CPEB1: variants seen among roughly 807,000 people sequenced by gnomAD.
The protein encoded by CPEB1 is cytoplasmic polyadenylation element binding protein 1, also known as cytoplasmic polyadenylation element-binding protein 1.
A neutral mutation model predicts 65.8 loss-of-function variants in CPEB1; 7 were observed. That is an observed-to-expected ratio of 0.11 (90% CI 0.06 to 0.20). The LOEUF is 0.20. Ranked by LOEUF, CPEB1 falls within the 10% of genes least tolerant of loss-of-function variation. The pLI is 1.00. For missense variants in CPEB1, 551 were observed against 712.2 expected (o/e 0.77, Z 2.58); for synonymous variants, 262 against 260.0 (o/e 1.01, Z -0.08).
At chr15:82,647,810 C>A (rs1567248061), upstream of CPEB1, 13 of 1,279,230 alleles carry the variant, frequency 1.0e-5, no homozygotes, top group African/African-American at 1.6e-5. Context: ...TTAGCTACTG[C>A]GGCCGGGACG....
At chr15:82,578,092 A>G (rs144172278) in intron 3 of CPEB1, among the ~76,000 whole-genome samples, 1,771 of 152,272 alleles carry the variant, frequency 0.012, 31 homozygotes, top group African/African-American at 0.04. Context: ...GTGAGCCGAG[A>G]TCGTGCCACT....
chr15:82,633,118 T>A (rs540207735), intron 1 of CPEB1: 1 of 152,222 alleles, frequency 6.6e-6, no homozygotes, highest in African/African-American at 2.4e-5. Context: ...GGTCTTCTAC[T>A]GTCAACGGGA....
intron 3 of CPEB1, among the ~76,000 whole-genome samples, chr15:82,624,722 C>T (rs1244812322): frequency 6.6e-6 from 1 of 152,170 alleles, no homozygotes; most frequent in Non-Finnish European, 1.5e-5. Flanking sequence ...TCCCTGAAGT[C>T]CAACACCTAG....
In CPEB1 at chr15:82,555,956, G is replaced by C. The variant is rs2037127569; in HGVS notation, c.854C>G (p.Ser285Cys). Reference protein sequence around the residue: ...TSASKRWPGASVWPSWDLLEA... With the variant: ...TSASKRWPGACVWPSWDLLEA... ...GAGGAGGTCCCAGGATGGCCACACAGAAGCTCCTGGCCATCTCTTTGAAGC... is the reference window on the plus strand; with the variant it reads ...GAGGAGGTCCCAGGATGGCCACACACAAGCTCCTGGCCATCTCTTTGAAGC... Residue 285 changes from serine (S) to cysteine (C), a missense_variant, in exon 6 of 13, where the codon TCT becomes TGT. Ser to Cys is a moderately radical substitution (Grantham distance 112, BLOSUM62 -1). Around this residue, in one of 6 missense-constraint regions of CPEB1, gnomAD observed 128 missense variants for 129.1 expected, o/e 0.99. Coordinates refer to ENST00000684509, the MANE Select transcript of CPEB1 (RefSeq NM_001365242.1). 1.9e-6 allele frequency: 3 copies of C among 1,613,556 alleles called. No homozygotes were observed. Among genetic ancestry groups the C allele is most frequent in the Admixed American group, 1.7e-5 (1 of 59,960 alleles).
chr15:82,555,788 C>T, intron 6 of CPEB1, 82 bp downstream of exon 6: 1 of 1,489,082 alleles, frequency 6.7e-7, no homozygotes, highest in South Asian at 1.3e-5. Flanking sequence ...CTAGACAGTT[C>T]ACAAGTGTGT....
At chr15:82,554,966 G>A (rs964566588) in intron 6 of CPEB1, among the ~76,000 whole-genome samples, 2 of 152,160 alleles carry the variant, frequency 1.3e-5, no homozygotes, top group Non-Finnish European at 2.9e-5. Context: ...TAGGTGAACA[G>A]GGCACAGCAC....
intron 1 of CPEB1, among the ~76,000 whole-genome samples, chr15:82,632,257 C>G (rs2046320708): frequency 6.6e-6 from 1 of 152,084 alleles, no homozygotes; most frequent in Admixed American, 6.5e-5. Context: ...GCTGGGATTA[C>G]AGGCGTGAGC....
chr15:82,645,516 T>C lies in CPEB1; in HGVS notation c.-98+1621A>G, dbSNP rs143931659. On this transcript the variant is annotated intron_variant, in intron 1 of 12. Coordinates refer to ENST00000684509, the MANE Select transcript of CPEB1 (RefSeq NM_001365242.1). ...AGTCAACTTCCAAATCCTACTTCTATAAACTGAGCAGGCACTACCAGGCCA... is the reference window on the plus strand; with the variant it reads ...AGTCAACTTCCAAATCCTACTTCTACAAACTGAGCAGGCACTACCAGGCCA... 1.8e-4 allele frequency among the ~76,000 whole-genome samples: 27 copies of C among 152,024 alleles called. 1 individual carries two copies. The highest frequency in any genetic ancestry group is 8.3e-4 in the South Asian group (4 of 4,814).
rs1019713525 is a variant in CPEB1, at chr15:82,553,998, T to G, written c.941-7A>C. ...CAGGTGGCTTCATTCACAGCTTTGG[T>G]AGATGGCAAAGAGATAAACAGGGGA... On this transcript the variant is annotated splice_polypyrimidine_tract_variant and splice_region_variant and intron_variant, in intron 6 of 12. Coordinates refer to ENST00000684509, the MANE Select transcript of CPEB1 (RefSeq NM_001365242.1). The G allele has an allele frequency of 6.4e-7, 1 of 1,559,332 alleles. No individual in the cohort carries two copies. The highest frequency in any genetic ancestry group is 1.4e-5 in the African/African-American group (1 of 73,164).
intron 3 of CPEB1, among the ~76,000 whole-genome samples, chr15:82,577,636 T>A (rs1388762929): frequency 6.6e-6 from 1 of 152,000 alleles, no homozygotes; most frequent in Non-Finnish European, 1.5e-5. Context: ...TACCTCAGCC[T>A]CCCAAGTAGC....
rs1436890245 is a variant in CPEB1 at position 82,557,882 on chromosome 15, C to T, written c.565G>A (p.Ala189Thr). The T allele has an allele frequency of 6.2e-7, 1 of 1,614,134 alleles. No individual in the cohort carries two copies. The highest frequency in any genetic ancestry group is 1.3e-5 in the African/African-American group (1 of 75,036). ...LGSDLVDKFP[A>T]PSVRGSRLDT... is the part of the protein sequence containing the mutation. The stretch of plus-strand genomic sequence containing the variant: ...AGGCGTGATCCTCTAACTGAGGGTG[C>T]TGGAAACTTGTCCACCAAGTCAGAC... The change falls in exon 5 of 13, where the codon GCA (alanine) becomes ACA (threonine). Residue 189 changes from alanine to threonine, a missense_variant. Ala to Thr is a moderately conservative substitution (Grantham distance 58). Transcript: ENST00000684509.
intron 10 of CPEB1, chr15:82,548,628 C>A: frequency 2.3e-6 from 1 of 429,848 alleles, no homozygotes. Context: ...GAAGGGTAAG[C>A]CCAGCAGTTG....
chr15:82,544,508 G>A lies in CPEB1; in HGVS notation c.*84C>T, dbSNP rs1241434260. 14 of 953,886 alleles carry A rather than the reference G, an allele frequency of 1.5e-5. No individual in the cohort carries two copies. In the African/African-American group the frequency reaches 2.3e-4, roughly 16 times the overall value. 59.1% of individuals were successfully genotyped at this position (953,886 alleles called of 1,614,324 possible). A position where few individuals can be genotyped will look rare whatever the true frequency, so the allele number is the denominator to read the frequency against. Reference sequence around the variant, plus strand: ...CTTGTCCTTGGGAAGCCAGCTCCCTGGTCGCCAGTGGCAGGGTGGTGCAGG... The same window carrying A: ...CTTGTCCTTGGGAAGCCAGCTCCCTAGTCGCCAGTGGCAGGGTGGTGCAGG... On this transcript the variant is annotated 3_prime_UTR_variant, in exon 13 of 13. Transcript: ENST00000684509.
At chr15:82,557,516 G>A (rs552870479) in intron 5 of CPEB1, 4 of 452,904 alleles carry the variant, frequency 8.8e-6, no homozygotes, top group African/African-American at 8.0e-5. Context: ...GGAGTAGCTA[G>A]TAAAATGAGA....
intron 4 of CPEB1, among the ~76,000 whole-genome samples, chr15:82,567,398 G>T (rs546570101): frequency 6.6e-6 from 1 of 152,082 alleles, no homozygotes; most frequent in Non-Finnish European, 1.5e-5. Flanking sequence ...CAGCATTTTG[G>T]GAGTCCGAGG....
intron 1 of CPEB1, chr15:82,630,174 T>G: frequency 1.1e-6 from 1 of 920,796 alleles, no homozygotes; most frequent in Non-Finnish European, 1.3e-6. Context: ...TGGGCTCAAG[T>G]GCTCCTCCCA....
intron 3 of CPEB1, among the ~76,000 whole-genome samples, chr15:82,615,669 A>G (rs1207249382): frequency 3.3e-5 from 5 of 152,212 alleles, no homozygotes; most frequent in Admixed American, 6.5e-5. Context: ...ATTTACAGCT[A>G]TATCAACTGG....
At chr15:82,548,270 G>A (rs2035622694) in intron 10 of CPEB1, among the ~76,000 whole-genome samples, 1 of 152,096 alleles carries the variant, frequency 6.6e-6, no homozygotes, top group East Asian at 1.9e-4. Context: ...AGGAGGCAGA[G>A]GTTGCAGTGA....
intron 4 of CPEB1, among the ~76,000 whole-genome samples, chr15:82,567,743 C>T (rs1487383989): frequency 6.6e-6 from 1 of 152,204 alleles, no homozygotes; most frequent in Admixed American, 6.5e-5. Flanking sequence ...CAACCTTAGA[C>T]TGCACATCTG....
Sources: allele counts gnomAD v4.1 joint callset (sites outside exome capture counted in the v4.1 genomes callset), GRCh38; gene constraint gnomAD v4.1.1; regional missense constraint gnomAD v4.1.1; transcripts MANE v1.5; gene names NCBI Gene and HGNC (gene_info 2026-07-23, HGNC 2026-07-21).